Variants in AEBP2 observed in about 807,000 individuals in gnomAD.
AEBP2 encodes the protein zinc finger protein AEBP2.
A neutral mutation model predicts 50.8 loss-of-function variants in AEBP2; 10 were observed. The ratio of observed to expected loss-of-function variants is 0.20; its 90% CI spans 0.12 to 0.33. AEBP2 has a LOEUF of 0.33. Among genes scored for constraint, AEBP2 ranks in the 10% least tolerant of loss-of-function variants. The probability of loss-of-function intolerance (pLI) is 1.00; values close to 1 mark genes in which losing one functional copy is unlikely to be tolerated. For missense variants in AEBP2, 570 were observed against 688.0 expected (o/e 0.83, Z 1.92); for synonymous variants, 296 against 261.3 (o/e 1.13, Z -1.28).
At chr12:19,505,545 G>A (rs1007197205) in intron 5 of AEBP2, among the ~76,000 whole-genome samples, 4 of 152,222 alleles carry the variant, frequency 2.6e-5, no homozygotes, top group African/African-American at 7.2e-5. Flanking sequence ...TGGGGTATAA[G>A]CATTTTAGCT....
intron 7 of AEBP2, among the ~76,000 whole-genome samples, chr12:19,515,222 A>G (rs1417893211): frequency 2.6e-5 from 4 of 152,188 alleles, no homozygotes; most frequent in Non-Finnish European, 5.9e-5. Context: ...TTTTTAAGAC[A>G]TAGCTTAGAG....
intron 1 of AEBP2, among the ~76,000 whole-genome samples, chr12:19,414,432 A>T (rs575480634): frequency 6.6e-6 from 1 of 152,252 alleles, no homozygotes; most frequent in African/African-American, 2.4e-5. Flanking sequence ...GGCTTTCAGG[A>T]TGCACTGAAA....
chr12:19,418,612 C>T (rs936751509), intron 1 of AEBP2, among the ~76,000 whole-genome samples: 1 of 151,978 alleles, frequency 6.6e-6, no homozygotes, highest in Non-Finnish European at 1.5e-5. Flanking sequence ...CTGTAAGAAT[C>T]CCCCCACTTT....
intron 6 of AEBP2, among the ~76,000 whole-genome samples, chr12:19,513,115 T>C (rs567463384): frequency 6.6e-6 from 1 of 152,166 alleles, no homozygotes; most frequent in Non-Finnish European, 1.5e-5. Flanking sequence ...TAAATCATTT[T>C]TAGCATTTTT....
chr12:19,441,801 T>C (rs1365155658), intron 1 of AEBP2, among the ~76,000 whole-genome samples: 1 of 152,192 alleles, frequency 6.6e-6, no homozygotes, highest in East Asian at 1.9e-4. Flanking sequence ...ATGTGCTATT[T>C]TTACCATTTT....
At chr12:19,482,196 A>G (rs1012786114) in intron 3 of AEBP2, among the ~76,000 whole-genome samples, 1 of 152,148 alleles carries the variant, frequency 6.6e-6, no homozygotes, top group Non-Finnish European at 1.5e-5. Flanking sequence ...GCCATCCAGC[A>G]GCAGGGCTAC....
At chr12:19,495,920 A>T (rs1170643083) in intron 4 of AEBP2, among the ~76,000 whole-genome samples, 2 of 152,122 alleles carry the variant, frequency 1.3e-5, no homozygotes, top group Non-Finnish European at 2.9e-5. Flanking sequence ...TTTCATTTTG[A>T]CATCCTTTAT....
chr12:19,411,923 G>A (rs1336362703), intron 1 of AEBP2, among the ~76,000 whole-genome samples: 4 of 152,244 alleles, frequency 2.6e-5, no homozygotes, highest in Non-Finnish European at 4.4e-5. Context: ...CCTGGCATAA[G>A]GCTGGCTTGG....
intron 1 of AEBP2, among the ~76,000 whole-genome samples, chr12:19,460,091 C>G (rs751756377): frequency 6.6e-6 from 1 of 152,070 alleles, no homozygotes; most frequent in African/African-American, 2.4e-5. Flanking sequence ...CACCTGTAGG[C>G]CCGGCTACTC....
intron 3 of AEBP2, among the ~76,000 whole-genome samples, chr12:19,477,459 G>A (rs887301428): frequency 6.6e-6 from 1 of 152,146 alleles, no homozygotes; most frequent in Non-Finnish European, 1.5e-5. Flanking sequence ...GTTAAGGTAT[G>A]TTACTTCTGT....
chr12:19,440,679 C>T (rs887290571), intron 1 of AEBP2: 1 of 1,533,132 alleles, frequency 6.5e-7, no homozygotes, highest in Non-Finnish European at 8.7e-7. Context: ...GGCCCAGATC[C>T]TCTGGCGGAG....
chr12:19,451,571 C>G (rs61912765), intron 1 of AEBP2, among the ~76,000 whole-genome samples: 57 of 152,266 alleles, frequency 3.7e-4, no homozygotes, highest in African/African-American at 1.3e-3. Context: ...ATCATCACTT[C>G]TGCAGTAGTC....
At chr12:19,425,144 T>A (rs887243281) in intron 1 of AEBP2, among the ~76,000 whole-genome samples, 3 of 152,194 alleles carry the variant, frequency 2.0e-5, no homozygotes, top group African/African-American at 7.2e-5. Context: ...GGGACCCACC[T>A]TCCTTCCATA....
At chr12:19,479,913 G>A (rs748022803) in intron 3 of AEBP2, among the ~76,000 whole-genome samples, 5 of 151,516 alleles carry the variant, frequency 3.3e-5, no homozygotes, top group Non-Finnish European at 7.4e-5. Flanking sequence ...TACTTGGTTG[G>A]TGGAATTTTA....
At chr12:19,463,132 C>T (rs1289316080) in intron 2 of AEBP2, among the ~76,000 whole-genome samples, 3 of 152,110 alleles carry the variant, frequency 2.0e-5, no homozygotes, top group Non-Finnish European at 4.4e-5. Flanking sequence ...TTAGTGTATG[C>T]AATTCTATTA....
rs1555180776 is a variant in AEBP2, at chr12:19,439,683, G to GAGGAGC, written c.-13_-8dup. On this transcript the variant is annotated 5_prime_UTR_variant, in exon 1 of 8. Coordinates refer to ENST00000266508, the MANE Select transcript of AEBP2 (RefSeq NM_153207.5). ...CGGCGGTGGGGAGGAGGAGGAGGAG[G>GAGGAGC]AGGAGCAGGCGCCGCCATGGCCGCC... The GAGGAGC allele has an allele frequency of 6.6e-7, 1 of 1,517,440 alleles. No homozygotes were observed. The highest frequency in any genetic ancestry group is 8.8e-7 in the Non-Finnish European group (1 of 1,138,772). The allele number at this position is 1,517,440 out of a possible 1,614,324, so 94.0% of individuals were successfully genotyped here.
chr12:19,424,438 C>T (rs2095747457), intron 1 of AEBP2, among the ~76,000 whole-genome samples: 1 of 151,528 alleles, frequency 6.6e-6, no homozygotes, highest in Non-Finnish European at 1.5e-5. Context: ...GCTCTGTCAT[C>T]CAGGCTGGAG....
intron 3 of AEBP2, among the ~76,000 whole-genome samples, chr12:19,488,290 ATTTTTTTT>A (rs34804680): frequency 8.4e-6 from 1 of 118,418 alleles, no homozygotes; most frequent in South Asian, 2.7e-4. Flanking sequence ...TAATTTTTGT[ATTTTTTTT>A]TTTTTTTTTT....
rs190827907 is a variant in AEBP2 at position 19,473,196 on chromosome 12, C to T, written c.880-52C>T. The stretch of plus-strand genomic sequence containing the variant: ...TAATTTGAATGTATGAGGAATCAAA[C>T]TCTTCTTGAGATAAGTCATGAAAAT... On this transcript the variant is annotated intron_variant, in intron 2 of 7. Coordinates refer to ENST00000266508, the MANE Select transcript of AEBP2 (RefSeq NM_153207.5). 1.5e-4 allele frequency: 127 copies of T among 865,094 alleles called. 1 individual carries two copies. In the African/African-American group the frequency reaches 2.1e-3, roughly 14 times the overall value. 53.6% of individuals were successfully genotyped at this position (865,094 alleles called of 1,614,324 possible).
Sources: gnomAD v4.1 joint callset for allele counts (sites outside exome capture counted in the v4.1 genomes callset) on GRCh38, gnomAD v4.1.1 for gene constraint, MANE v1.5 for transcripts, NCBI Gene and HGNC (gene_info 2026-07-23, HGNC 2026-07-21) for gene names.